Variants in FOXA3 observed in about 807,000 individuals in gnomAD.
FOXA3 encodes the protein forkhead box A3, also known as hepatocyte nuclear factor 3-gamma.
Under a neutral mutation model 16.9 loss-of-function variants are expected in FOXA3, and 11 were observed. That is an observed-to-expected ratio of 0.65 (90% CI 0.41 to 1.08). FOXA3 has a LOEUF of 1.08. Ranked by LOEUF, FOXA3 falls within the 50% of genes least tolerant of loss-of-function variation. FOXA3 has a pLI of 0.00. For synonymous variants in FOXA3, 217 were observed against 203.3 expected, an observed-to-expected ratio of 1.07 and a Z score of -0.57; for missense variants, 423 against 470.1, an observed-to-expected ratio of 0.90 and a Z score of 0.93.
chr19:45,867,331 C>T (rs1255110414), intron 1 of FOXA3, among the ~76,000 whole-genome samples: 2 of 151,762 alleles, frequency 1.3e-5, no homozygotes, highest in African/African-American at 4.8e-5. Context: ...AGCGGGAGAG[C>T]CTGCATGGGG....
chr19:45,866,924 A>C (rs562245894), intron 1 of FOXA3, among the ~76,000 whole-genome samples: 4 of 152,324 alleles, frequency 2.6e-5, no homozygotes, highest in Non-Finnish European at 4.4e-5. Context: ...TAAGGAAATG[A>C]AAGAGGAGAA....
At chr19:45,865,173 C>T (rs779182471) in intron 1 of FOXA3, among the ~76,000 whole-genome samples, 1 of 151,974 alleles carries the variant, frequency 6.6e-6, no homozygotes, top group Non-Finnish European at 1.5e-5. Flanking sequence ...ATGTAGCCAT[C>T]AGCATTGGCA....
chr19:45,868,039 T>A (rs1279963195), intron 1 of FOXA3, among the ~76,000 whole-genome samples: 3 of 122,054 alleles, frequency 2.5e-5, no homozygotes, highest in East Asian at 2.3e-4. Flanking sequence ...AATGCGGGGG[T>A]GGGGAGGGAG....
At chr19:45,871,998 C>T in intron 1 of FOXA3, 77 bp from the exon 2 acceptor site, 1 of 1,394,802 alleles carries the variant, frequency 7.2e-7, no homozygotes, top group East Asian at 2.3e-5. Context: ...GACAGACGGA[C>T]ACTCAGTGGG....
At chr19:45,866,957 G>A (rs946215056) in intron 1 of FOXA3, among the ~76,000 whole-genome samples, 1 of 152,140 alleles carries the variant, frequency 6.6e-6, no homozygotes, top group Non-Finnish European at 1.5e-5. Context: ...TGGTGTGGGG[G>A]TGCGGGTCCC....
chr19:45,864,513 G>C lies in FOXA3; in HGVS notation c.57G>C (p.Pro19=). The change falls in exon 1 of 2, where the codon CCG becomes CCC. Residue 19 remains proline, a synonymous_variant. Transcript: ENST00000302177. ...ACCTGGCCGAGTGGAGCTACTACCC[G>C]GAGGCGGGCGAGGTGTGTCCTCGGG... The part of the protein sequence containing the change: ...AHDLAEWSYY[P]EAGEVYSPVT... 1 of 1,548,338 alleles carries C rather than the reference G, an allele frequency of 6.5e-7. No individual in the cohort carries two copies. Among genetic ancestry groups the C allele is most frequent in the Non-Finnish European group, 8.7e-7 (1 of 1,145,790 alleles).
At chr19:45,866,593 A>G (rs1025785004) in intron 1 of FOXA3, among the ~76,000 whole-genome samples, 5 of 152,114 alleles carry the variant, frequency 3.3e-5, no homozygotes, top group African/African-American at 1.2e-4. Context: ...AGAAATACCT[A>G]CACTCAGCCA....
chr19:45,870,721 C>T (rs1027743191), intron 1 of FOXA3, among the ~76,000 whole-genome samples: 3 of 151,916 alleles, frequency 2.0e-5, no homozygotes, highest in Non-Finnish European at 2.9e-5. Flanking sequence ...AGTCCTGTGC[C>T]ACGATGCCGG....
In FOXA3 at chr19:45,872,229, G is replaced by A. The variant is rs1168428396; in HGVS notation, c.224G>A (p.Gly75Glu). The change falls in exon 2 of 2, where the codon GGG (glycine) becomes GAG (glutamate). Residue 75 changes from glycine (G) to glutamate (E), a missense_variant. By Grantham distance (98) the Gly-to-Glu change is moderately conservative. Around this residue, in one of 3 missense-constraint regions of FOXA3, gnomAD observed 170 missense variants for 153.9 expected, o/e 1.10. Transcript: ENST00000302177. The surrounding 1 kb of genome is among the most constrained non-coding windows in gnomAD (Gnocchi z 4.5). The stretch of plus-strand genomic sequence containing the variant: ...CCCCCAGCACCTGCAGCCCCCCTGG[G>A]GCCCACTTTCCCAGGCCTGGGTGTC... Reference protein sequence around the residue: ...LAPPAPAAPLGPTFPGLGVSG... With the variant: ...LAPPAPAAPLEPTFPGLGVSG... 1.9e-6 allele frequency: 3 copies of A among 1,606,380 alleles called. No individual in the cohort carries two copies. Among genetic ancestry groups the A allele is most frequent in the East Asian group, 2.2e-5 (1 of 44,722 alleles).
chr19:45,864,454 G>T lies in FOXA3; in HGVS notation c.-3G>T. The T allele has an allele frequency of 6.8e-7, 1 of 1,478,026 alleles. No individual in the cohort carries two copies. Among genetic ancestry groups the T allele is most frequent in the East Asian group, 2.7e-5 (1 of 37,224 alleles). The allele number at this position is 1,478,026 out of a possible 1,614,324, so 91.6% of individuals were successfully genotyped here. ...GGGGCGGGTGGGGGCGTAAGCCCGG[G>T]GGATGCTGGGCTCAGTGAAGATGGA... On this transcript the variant is annotated 5_prime_UTR_variant, in exon 1 of 2. Coordinates refer to ENST00000302177, the MANE Select transcript of FOXA3 (RefSeq NM_004497.3).
At position 45,871,952 on chromosome 19, in the gene FOXA3, T is replaced by C. The variant is rs567465651; in HGVS notation, c.70-123T>C. The C allele has an allele frequency of 1.7e-5, 16 of 963,602 alleles. No individual in the cohort carries two copies. In the East Asian group the frequency reaches 3.7e-4, roughly 22 times the overall value. The allele number at this position is 963,602 out of a possible 1,614,324, so 59.7% of individuals were successfully genotyped here. On this transcript the variant is annotated intron_variant, in intron 1 of 1. Coordinates refer to ENST00000302177, the MANE Select transcript of FOXA3 (RefSeq NM_004497.3). ...GACTGCTTTCTACAGATAGAGGTAA[T>C]GATGGAAGGGATTTGTAGAGAAGGC...
chr19:45,872,024 C>A lies in FOXA3; in HGVS notation c.70-51C>A. On this transcript the variant is annotated intron_variant, in intron 1 of 1. Transcript: ENST00000302177. The surrounding 1 kb of genome is among the most constrained non-coding windows in gnomAD (Gnocchi z 4.5). ...ACTCAGTGGGTCCTGGGATCCTTTGCTGACCAGCAGAGTGGAGCCCCACTG... is the reference window on the plus strand; with the variant it reads ...ACTCAGTGGGTCCTGGGATCCTTTGATGACCAGCAGAGTGGAGCCCCACTG... 1 of 1,580,860 alleles carries A rather than the reference C, an allele frequency of 6.3e-7. No individual in the cohort carries two copies. The highest frequency in any genetic ancestry group is 1.1e-5 in the South Asian group (1 of 88,604).
intron 1 of FOXA3, among the ~76,000 whole-genome samples, chr19:45,871,775 G>A (rs970028081): frequency 2.3e-4 from 35 of 152,148 alleles, no homozygotes; most frequent in Admixed American, 1.6e-3. Flanking sequence ...TTTTGACTTC[G>A]TGGACATCCT....
rs765382731 is a variant in FOXA3 at position 45,872,530 on chromosome 19, C to T, written c.525C>T (p.Phe175=). The change falls in exon 2 of 2, where the codon TTC becomes TTT. Residue 175 remains phenylalanine, a synonymous_variant. Coordinates refer to ENST00000302177, the MANE Select transcript of FOXA3 (RefSeq NM_004497.3). This position sits in a 1 kb window ranked among gnomAD's most constrained non-coding sequence, Gnocchi z 4.5. ...IRHSLSFNDC[F]VKVARSPDKP... is the part of the protein sequence containing the mutation. ...ACTCGCTGTCTTTCAACGACTGCTT[C>T]GTCAAGGTGGCGCGTTCCCCAGACA... 54 of 1,614,058 alleles carry T rather than the reference C, an allele frequency of 3.3e-5. No homozygotes were observed. Among genetic ancestry groups the T allele is most frequent in the Non-Finnish European group, 4.2e-5 (49 of 1,180,028 alleles).
chr19:45,871,217 T>C (rs1181775665), intron 1 of FOXA3, among the ~76,000 whole-genome samples: 1 of 152,132 alleles, frequency 6.6e-6, no homozygotes, highest in Non-Finnish European at 1.5e-5. Context: ...TAGCAATCAT[T>C]TGTTAGTGTA....
At position 45,866,917 on chromosome 19, in the gene FOXA3, G is replaced by A. The variant is rs367844675; in HGVS notation, c.69+2392G>A. Among the ~76,000 whole-genome samples, 41 of 152,282 alleles carry A rather than the reference G, an allele frequency of 2.7e-4. 1 individual carries two copies. The highest frequency in any genetic ancestry group is 3.4e-3 in the Middle Eastern group (1 of 294). ...TCACACCCTTCTCCAGAGACAATAAGGAAATGAAAGAGGAGAAATTCCAGT... is the reference window on the plus strand; with the variant it reads ...TCACACCCTTCTCCAGAGACAATAAAGAAATGAAAGAGGAGAAATTCCAGT... On this transcript the variant is annotated intron_variant, in intron 1 of 1. Transcript: ENST00000302177.
intron 1 of FOXA3, among the ~76,000 whole-genome samples, chr19:45,870,845 T>G (rs572202344): frequency 2.6e-5 from 4 of 152,202 alleles, no homozygotes; most frequent in African/African-American, 9.6e-5. Context: ...TGGGATTACT[T>G]TGGGAGGCTG....
At chr19:45,870,272 C>G (rs1051053431) in intron 1 of FOXA3, among the ~76,000 whole-genome samples, 1 of 150,944 alleles carries the variant, frequency 6.6e-6, no homozygotes, top group Non-Finnish European at 1.5e-5. Context: ...CGGGTTCACG[C>G]CATTCTCCTG....
chr19:45,873,579 C>T lies in FOXA3; in HGVS notation c.*521C>T. 6.0e-6 allele frequency: 1 copy of T among 165,784 alleles called. No individual in the cohort carries two copies. Among genetic ancestry groups the T allele is most frequent in the Non-Finnish European group, 1.3e-5 (1 of 75,480 alleles). The allele number at this position is 165,784 out of a possible 1,614,324, so 10.3% of individuals were successfully genotyped here. A position where few individuals can be genotyped will look rare whatever the true frequency, so the allele number is the denominator to read the frequency against. On this transcript the variant is annotated 3_prime_UTR_variant, in exon 2 of 2. Transcript: ENST00000302177. The stretch of plus-strand genomic sequence containing the variant: ...ATGGCTGCTGCAGCCCCGTGTTGGC[C>T]ATGTCGTCACCATTCTCTCTGGCAT...
Sources: allele counts gnomAD v4.1 joint callset (sites outside exome capture counted in the v4.1 genomes callset), GRCh38; gene constraint gnomAD v4.1.1; regional missense constraint gnomAD v4.1.1; non-coding constraint Gnocchi (gnomAD v3.1); transcripts MANE v1.5; gene names NCBI Gene and HGNC (gene_info 2026-07-23, HGNC 2026-07-21).